STAG1: variants seen among roughly 807,000 people sequenced by gnomAD.
STAG1 encodes STAG1 cohesin complex component, also known as cohesin subunit SA-1.
Under a neutral mutation model 170.9 loss-of-function variants are expected in STAG1, and 26 were observed. That is an observed-to-expected ratio of 0.15 (90% confidence interval 0.11 to 0.21). The LOEUF is 0.21. Ranked by LOEUF, STAG1 falls within the 10% of genes least tolerant of loss-of-function variation. The pLI is 1.00. For synonymous variants in STAG1, 514 were observed against 497.7 expected, an observed-to-expected ratio of 1.03 and a Z score of -0.44; for missense variants, 964 against 1,509.5, an observed-to-expected ratio of 0.64 and a Z score of 5.99.
chr3:136,422,341 A>C (rs2087983002), intron 19 of STAG1, 69 bp downstream of exon 19: 1 of 1,402,496 alleles, frequency 7.1e-7, no homozygotes, highest in Non-Finnish European at 9.9e-7. Flanking sequence ...AAAATGATTT[A>C]CACACTCAGC....
chr3:136,523,126 T>C (rs578205453), intron 6 of STAG1, among the ~76,000 whole-genome samples: 11 of 152,186 alleles, frequency 7.2e-5, no homozygotes, highest in Non-Finnish European at 8.8e-5. Context: ...TAGTTCTAGA[T>C]CCTTGAGGAA....
At chr3:136,521,071 G>A in intron 7 of STAG1, 142 bp downstream of exon 7, 1 of 714,428 alleles carries the variant, frequency 1.4e-6, no homozygotes, top group Non-Finnish European at 2.3e-6. Flanking sequence ...ATGAAAACAG[G>A]CATAAATTTT....
rs556673063 is a variant in STAG1 at position 136,505,660 on chromosome 3, C to T, written c.677-2881G>A. The stretch of plus-strand genomic sequence containing the variant: ...CATTGTTCTAGTTATTAGAGATACA[C>T]AAGTGAACAAAACAAACAACTTCCT... On this transcript the variant is annotated intron_variant, in intron 7 of 33. Transcript: ENST00000383202. 3.3e-5 allele frequency among the ~76,000 whole-genome samples: 5 copies of T among 152,290 alleles called. No individual in the cohort carries two copies. The East Asian group carries it at 9.6e-4, about 29-fold the overall frequency.
intron 13 of STAG1, among the ~76,000 whole-genome samples, chr3:136,458,971 G>A (rs1380382997): frequency 6.6e-6 from 1 of 152,162 alleles, no homozygotes; most frequent in Non-Finnish European, 1.5e-5. Flanking sequence ...TGTAATCGCA[G>A]CACTTTGGGA....
Position 136,630,933 on chromosome 3 carries a change from A to C in STAG1, c.-35T>G, listed in dbSNP as rs1261424582. On this transcript the variant is annotated 5_prime_UTR_variant, in exon 2 of 34. Coordinates refer to ENST00000383202, the MANE Select transcript of STAG1 (RefSeq NM_005862.3). ...GGTCCTTTCACAATGCAGCAAAATA[A>C]TCAAGTGCTGTACAACTCAAAACTT... The C allele has an allele frequency of 2.6e-6, 4 of 1,555,696 alleles. No homozygotes were observed. The highest frequency in any genetic ancestry group is 3.5e-6 in the Non-Finnish European group (4 of 1,148,858).
intron 22 of STAG1, 113 bp from the exon 23 acceptor site, chr3:136,377,865 A>G: frequency 1.2e-6 from 1 of 809,468 alleles, no homozygotes; most frequent in Non-Finnish European, 2.0e-6. Flanking sequence ...GGAAATTCAT[A>G]TAACCAAATT....
chr3:136,373,054 A>G (rs975955564), intron 23 of STAG1, among the ~76,000 whole-genome samples: 1 of 152,144 alleles, frequency 6.6e-6, no homozygotes, highest in Non-Finnish European at 1.5e-5. Flanking sequence ...CAGAGATTCA[A>G]CTTCTTCTTG....
At chr3:136,567,861 T>C (rs1035275206) in intron 5 of STAG1, among the ~76,000 whole-genome samples, 9 of 152,228 alleles carry the variant, frequency 5.9e-5, no homozygotes, top group African/African-American at 1.2e-4. Flanking sequence ...AGTTTTATTA[T>C]ACTTATCATG....
At chr3:136,498,210 T>TATATA (rs1274164696) in intron 9 of STAG1, among the ~76,000 whole-genome samples, 4 of 50,836 alleles carry the variant, frequency 7.9e-5, no homozygotes, top group East Asian at 8.9e-3. Context: ...AAAAAAAAAA[T>TATATA]TATATATATA....
intron 13 of STAG1, among the ~76,000 whole-genome samples, chr3:136,457,836 C>T (rs2089160971): frequency 6.6e-6 from 1 of 152,000 alleles, no homozygotes; most frequent in Non-Finnish European, 1.5e-5. Flanking sequence ...TGATTCATGC[C>T]TGTAATCTCC....
intron 16 of STAG1, among the ~76,000 whole-genome samples, chr3:136,425,491 G>C (rs889299133): frequency 6.6e-6 from 1 of 152,018 alleles, no homozygotes; most frequent in Non-Finnish European, 1.5e-5. Context: ...ATGAGGTGTA[G>C]AGAAAGTTAT....
At chr3:136,463,715 A>T (rs1269077760) in intron 13 of STAG1, among the ~76,000 whole-genome samples, 3 of 109,292 alleles carry the variant, frequency 2.7e-5, no homozygotes, top group Non-Finnish European at 4.8e-5. Context: ...CCATCTCTCT[A>T]AAAAAAAAAA....
At chr3:136,555,511 C>T (rs888449406) in intron 5 of STAG1, among the ~76,000 whole-genome samples, 2 of 151,660 alleles carry the variant, frequency 1.3e-5, no homozygotes, top group African/African-American at 2.4e-5. Flanking sequence ...TGGTGAAACC[C>T]TATCTCTACT....
chr3:136,494,488 T>C (rs1459428302), intron 9 of STAG1, among the ~76,000 whole-genome samples: 4 of 152,172 alleles, frequency 2.6e-5, no homozygotes, highest in Non-Finnish European at 5.9e-5. Context: ...AAGGCTAGTA[T>C]TGACACTGTT....
chr3:136,465,503 G>C (rs1268909605), intron 12 of STAG1, among the ~76,000 whole-genome samples: 1 of 129,804 alleles, frequency 7.7e-6, no homozygotes, highest in Non-Finnish European at 1.6e-5. Flanking sequence ...TTATAGGTGT[G>C]AGTCACTGTG....
chr3:136,716,771 T>G (rs1943550806), intron 1 of STAG1, among the ~76,000 whole-genome samples: 2 of 152,232 alleles, frequency 1.3e-5, no homozygotes, highest in South Asian at 4.1e-4. Flanking sequence ...CCCTCCCTGA[T>G]AAGACAACTG....
At chr3:136,343,482 T>C (rs1576372486) in intron 30 of STAG1, among the ~76,000 whole-genome samples, 1 of 152,312 alleles carries the variant, frequency 6.6e-6, no homozygotes, top group East Asian at 1.9e-4. Context: ...TCCAGACTAC[T>C]GACAACTTAA....
chr3:136,413,325 T>C lies in STAG1; in HGVS notation c.2196+4560A>G, dbSNP rs78531185. ...ATATTATATATACATAGTGTCTAAG[T>C]GCGGAAATCTGGGAAAATATTGAAA... On this transcript the variant is annotated intron_variant, in intron 21 of 33. Transcript: ENST00000383202. 1.1e-4 allele frequency among the ~76,000 whole-genome samples: 16 copies of C among 148,446 alleles called. No homozygotes were observed. The East Asian group carries it at 3.2e-3, about 30-fold the overall frequency.
chr3:136,527,122 G>C (rs1438677737), intron 6 of STAG1, among the ~76,000 whole-genome samples: 1 of 152,108 alleles, frequency 6.6e-6, no homozygotes, highest in Middle Eastern at 3.2e-3. Flanking sequence ...TGTATTTCCT[G>C]AATTTGAATG....
Sources: gnomAD v4.1 joint callset for allele counts (sites outside exome capture counted in the v4.1 genomes callset) on GRCh38, gnomAD v4.1.1 for gene constraint, MANE v1.5 for transcripts, NCBI Gene and HGNC (gene_info 2026-07-23, HGNC 2026-07-21) for gene names.